Variants in TCF7L2 observed in about 807,000 individuals in gnomAD.
TCF7L2 encodes transcription factor 7 like 2.
A neutral mutation model predicts 77.9 loss-of-function variants in TCF7L2; 23 were observed. The observed-to-expected ratio is 0.30, with a 90% CI of 0.21 to 0.42. The LOEUF is 0.42. Ranked by LOEUF, TCF7L2 falls within the 10% of genes least tolerant of loss-of-function variation. The pLI, the probability that TCF7L2 is intolerant of heterozygous loss-of-function variation, is 1.00. For synonymous variants in TCF7L2, 413 were observed against 340.2 expected (o/e 1.21, Z -2.36); for missense variants, 654 against 793.1 (o/e 0.82, Z 2.11).
At chr10:113,148,593 G>A (rs2070020543) in intron 8 of TCF7L2, among the ~76,000 whole-genome samples, 1 of 152,116 alleles carries the variant, frequency 6.6e-6, no homozygotes, top group South Asian at 2.1e-4. Flanking sequence ...CCCTGAGACA[G>A]CCAGAAACAA....
intron 4 of TCF7L2, among the ~76,000 whole-genome samples, chr10:113,027,151 T>C (rs1232808951): frequency 6.6e-6 from 1 of 152,216 alleles, no homozygotes; most frequent in Non-Finnish European, 1.5e-5. Context: ...TTTTTCTTTT[T>C]GGAAGTGGAA....
intron 4 of TCF7L2, among the ~76,000 whole-genome samples, chr10:113,007,189 C>A (rs930965304): frequency 6.6e-6 from 1 of 152,202 alleles, no homozygotes; most frequent in African/African-American, 2.4e-5. Flanking sequence ...TAGCATCTGG[C>A]TCTCTTAGAG....
chr10:113,157,933 C>G, intron 11 of TCF7L2, 88 bp from the exon 12 acceptor site: 1 of 1,371,770 alleles, frequency 7.3e-7, no homozygotes, highest in Non-Finnish European at 1.0e-6. Context: ...TGGTCACTTC[C>G]TCCTGCCTTC....
intron 4 of TCF7L2, among the ~76,000 whole-genome samples, chr10:112,970,639 T>C (rs2038039682): frequency 6.6e-6 from 1 of 152,116 alleles, no homozygotes; most frequent in Non-Finnish European, 1.5e-5. Context: ...ACCAGCGGAC[T>C]GGCCCAGCAT....
At chr10:113,060,984 C>G (rs1337086314) in intron 5 of TCF7L2, among the ~76,000 whole-genome samples, 2 of 152,120 alleles carry the variant, frequency 1.3e-5, no homozygotes, top group Admixed American at 1.3e-4. Flanking sequence ...GACTTCAGGG[C>G]TGGTGGATAG....
chr10:113,143,700 A>G (rs1017469156), intron 6 of TCF7L2, among the ~76,000 whole-genome samples: 3 of 152,228 alleles, frequency 2.0e-5, no homozygotes, highest in African/African-American at 7.2e-5. Flanking sequence ...TCTACTCAGT[A>G]TACCAGTCCA....
At chr10:113,040,733 G>GA (rs2052302640) in intron 5 of TCF7L2, among the ~76,000 whole-genome samples, 1 of 152,186 alleles carries the variant, frequency 6.6e-6, no homozygotes, top group Admixed American at 6.5e-5. Context: ...AGTACTAAGA[G>GA]ACTACAAGTG....
At chr10:112,978,640 T>C (rs980363198) in intron 4 of TCF7L2, among the ~76,000 whole-genome samples, 23 of 149,478 alleles carry the variant, frequency 1.5e-4, no homozygotes, top group Admixed American at 6.6e-5. Flanking sequence ...CTAATTTTTT[T>C]TTTTTTTTTT....
At chr10:113,067,804 T>G (rs1158576487) in intron 5 of TCF7L2, among the ~76,000 whole-genome samples, 1 of 152,150 alleles carries the variant, frequency 6.6e-6, no homozygotes, top group East Asian at 1.9e-4. Flanking sequence ...TATATGACCT[T>G]CTTTTTGTCC....
intron 5 of TCF7L2, among the ~76,000 whole-genome samples, chr10:113,096,995 G>T (rs1297207483): frequency 1.3e-5 from 2 of 152,136 alleles, no homozygotes; most frequent in Admixed American, 6.5e-5. Context: ...GACAAGCTTA[G>T]CCTGAGCCCC....
chr10:112,973,168 G>A (rs1333704580), intron 4 of TCF7L2, among the ~76,000 whole-genome samples: 4 of 152,180 alleles, frequency 2.6e-5, no homozygotes, highest in South Asian at 2.1e-4. Context: ...GAGGGCACCC[G>A]GAGAGCAGAC....
intron 5 of TCF7L2, among the ~76,000 whole-genome samples, chr10:113,127,904 T>C (rs2065923067): frequency 6.7e-6 from 1 of 149,946 alleles, no homozygotes; most frequent in Non-Finnish European, 1.5e-5. Context: ...TTCGGTCTTT[T>C]GAGAAAGCTA....
In TCF7L2 at chr10:113,073,139, A is replaced by C. The variant is rs139087340; in HGVS notation, c.552+33013A>C. 3.5e-5 allele frequency among the ~76,000 whole-genome samples: 3 copies of C among 86,842 alleles called. No homozygotes were observed. The Admixed American group carries it at 3.6e-4, about 10-fold the overall frequency. 57.0% of individuals were successfully genotyped at this position (86,842 alleles called of 152,430 possible). A position where few individuals can be genotyped will look rare whatever the true frequency, so the allele number is the denominator to read the frequency against. ...GTGTGTGTGTGTGTGTGAGAGAGAG[A>C]GAGAGAGAGAGACAGAGAGAGAGAT... On this transcript the variant is annotated intron_variant, in intron 5 of 13. Coordinates refer to ENST00000627217, the MANE Select transcript of TCF7L2 (RefSeq NM_001146274.2).
At chr10:113,002,257 A>G (rs1042618545) in intron 4 of TCF7L2, among the ~76,000 whole-genome samples, 2 of 152,166 alleles carry the variant, frequency 1.3e-5, no homozygotes, top group Non-Finnish European at 2.9e-5. Flanking sequence ...TATCCTGACC[A>G]AAGAAGCTAG....
chr10:113,061,308 T>G (rs951180849), intron 5 of TCF7L2, among the ~76,000 whole-genome samples: 2 of 152,212 alleles, frequency 1.3e-5, no homozygotes, highest in African/African-American at 2.4e-5. Context: ...AGCAGTTCTC[T>G]GTGCCTCGCT....
intron 5 of TCF7L2, chr10:113,127,064 G>A (rs185398459): frequency 1.2e-5 from 4 of 327,102 alleles, no homozygotes; most frequent in Non-Finnish European, 1.8e-5. Flanking sequence ...GTAAGCTGCC[G>A]GGGTGGATGC....
intron 5 of TCF7L2, among the ~76,000 whole-genome samples, chr10:113,123,547 T>C (rs1055007610): frequency 6.6e-6 from 1 of 152,212 alleles, no homozygotes; most frequent in African/African-American, 2.4e-5. Context: ...ATAAGGACTA[T>C]TGTAGGTTAT....
At chr10:113,138,992 C>T (rs546081080) in intron 5 of TCF7L2, among the ~76,000 whole-genome samples, 4 of 152,110 alleles carry the variant, frequency 2.6e-5, no homozygotes, top group Non-Finnish European at 5.9e-5. Flanking sequence ...CCCATGTGAT[C>T]CTTCTCCTGG....
chr10:113,044,163 C>G (rs149009487), intron 5 of TCF7L2, among the ~76,000 whole-genome samples: 1 of 152,034 alleles, frequency 6.6e-6, no homozygotes, highest in Non-Finnish European at 1.5e-5. Context: ...GACTGAATCC[C>G]GAGGAACAAA....
Sources: allele counts gnomAD v4.1 joint callset (sites outside exome capture counted in the v4.1 genomes callset), GRCh38; gene constraint gnomAD v4.1.1; transcripts MANE v1.5; gene names NCBI Gene and HGNC (gene_info 2026-07-23, HGNC 2026-07-21).